Variants in PNPLA8 observed in about 807,000 individuals in gnomAD.
PNPLA8 encodes calcium-independent phospholipase A2-gamma.
PNPLA8 carries 39 observed loss-of-function variants against 76.9 expected under a neutral mutation model. The observed-to-expected ratio is 0.51, with a 90% CI of 0.39 to 0.66. The LOEUF (loss-of-function observed/expected upper bound fraction) is 0.66. Ranked by LOEUF, PNPLA8 falls within the 30% of genes least tolerant of loss-of-function variation. PNPLA8 has a pLI of 0.00. For missense variants in PNPLA8, 887 were observed against 918.0 expected (o/e 0.97, Z 0.44); for synonymous variants, 301 against 307.9 (o/e 0.98, Z 0.24).
rs1438823923 is a variant in PNPLA8, at chr7:108,470,510, A to T, written c.*1891T>A. 2 of 152,206 alleles carry T rather than the reference A, an allele frequency of 1.3e-5. No homozygotes were observed. Among genetic ancestry groups the T allele is most frequent in the Non-Finnish European group, 2.9e-5 (2 of 68,034 alleles). The allele number at this position is 152,206 out of a possible 1,614,324, so 9.4% of individuals were successfully genotyped here. ...ACTTCAGCTGTAAAACAGATGAACT[A>T]CATCAGTTTAGGACTAGAGTGACCT... On this transcript the variant is annotated 3_prime_UTR_variant, in exon 11 of 11. Transcript: ENST00000257694.
intron 9 of PNPLA8, among the ~76,000 whole-genome samples, chr7:108,481,228 G>A (rs1196554836): frequency 3.3e-5 from 5 of 152,140 alleles, no homozygotes; most frequent in East Asian, 1.9e-4. Context: ...GAGTAAATAC[G>A]AGTGCGATCG....
intron 10 of PNPLA8, among the ~76,000 whole-genome samples, chr7:108,478,778 C>T (rs1024000208): frequency 6.6e-6 from 1 of 152,176 alleles, no homozygotes; most frequent in Admixed American, 6.5e-5. Flanking sequence ...AACACATTCT[C>T]ATTCCAGTTT....
intron 10 of PNPLA8, among the ~76,000 whole-genome samples, chr7:108,477,917 C>A (rs879916963): frequency 6.6e-6 from 1 of 152,168 alleles, no homozygotes; most frequent in Non-Finnish European, 1.5e-5. Context: ...ATTCAACATA[C>A]ACTCACTGAA....
At chr7:108,500,573 G>A (rs987266655) in intron 5 of PNPLA8, among the ~76,000 whole-genome samples, 1 of 152,168 alleles carries the variant, frequency 6.6e-6, no homozygotes, top group Non-Finnish European at 1.5e-5. Flanking sequence ...TACTGTTAGA[G>A]TGATCTTGAC....
chr7:108,516,000 ATACT>A (rs1402198362), intron 2 of PNPLA8, among the ~76,000 whole-genome samples: 2 of 152,232 alleles, frequency 1.3e-5, no homozygotes, highest in Non-Finnish European at 2.9e-5. Context: ...GATTTATAGA[ATACT>A]TAATCTATAC....
Position 108,501,177 on chromosome 7 carries a change from A to G in PNPLA8, c.1358+1314T>C, listed in dbSNP as rs1861909774. Among the ~76,000 whole-genome samples the G allele has an allele frequency of 2.0e-5, 3 of 152,228 alleles. No individual in the cohort carries two copies. The South Asian group carries it at 6.2e-4, about 32-fold the overall frequency. On this transcript the variant is annotated intron_variant, in intron 5 of 10. Coordinates refer to ENST00000257694, the MANE Select transcript of PNPLA8 (RefSeq NM_001256007.3). Reference sequence around the variant, plus strand: ...TAAACCTAAGAACAATAGGCAGGGCATGTACTATGAATTACAAGGTAACAG... The same window carrying G: ...TAAACCTAAGAACAATAGGCAGGGCGTGTACTATGAATTACAAGGTAACAG...
intron 2 of PNPLA8, 24 bp downstream of exon 2, chr7:108,521,452 A>G (rs1863732271): frequency 4.5e-6 from 3 of 673,408 alleles, no homozygotes; most frequent in Non-Finnish European, 5.5e-6. Flanking sequence ...GAGACATTAC[A>G]AAATAAAGGA....
intron 10 of PNPLA8, among the ~76,000 whole-genome samples, chr7:108,477,394 G>T (rs905571556): frequency 6.6e-6 from 1 of 152,100 alleles, no homozygotes; most frequent in African/African-American, 2.4e-5. Flanking sequence ...ATGAATAAAA[G>T]TCCTCAGTGG....
Position 108,515,272 on chromosome 7 carries a change from G to C in PNPLA8, c.220C>G (p.Pro74Ala). 6.2e-7 allele frequency: 1 copy of C among 1,605,556 alleles called. No individual in the cohort carries two copies. The highest frequency in any genetic ancestry group is 2.2e-5 in the East Asian group (1 of 44,756). Residue 74 changes from proline (P) to alanine (A), a missense_variant, in exon 3 of 11, where the codon CCA (proline) becomes GCA (alanine). Coordinates refer to ENST00000257694, the MANE Select transcript of PNPLA8 (RefSeq NM_001256007.3). ...CCAATATGTAAACCATGGTTGCTTG[G>C]AGAGTAACAGTGCTTACTGCAAGAA... Reference protein sequence around the residue: ...AHSCSKHCYSPSNHGLHIGIL... With the variant: ...AHSCSKHCYSASNHGLHIGIL...
At chr7:108,490,703 G>A (rs1410080250) in intron 8 of PNPLA8, among the ~76,000 whole-genome samples, 2 of 151,382 alleles carry the variant, frequency 1.3e-5, no homozygotes, top group Non-Finnish European at 2.9e-5. Flanking sequence ...AGAATGGCGT[G>A]AGCCCGGGAG....
rs868297902 is a variant in PNPLA8 at position 108,518,744 on chromosome 7, T to C, written c.-84+2732A>G. Among the ~76,000 whole-genome samples the C allele has an allele frequency of 4.7e-3, 374 of 78,832 alleles. 2 individuals carry two copies. The highest frequency in any genetic ancestry group is 0.022 in the African/African-American group (333 of 15,316). 51.7% of individuals were successfully genotyped at this position (78,832 alleles called of 152,430 possible). On this transcript the variant is annotated intron_variant, in intron 2 of 10. Transcript: ENST00000257694. ...GAATATATATATATATATATATATATATATATATATATATACACACACACA... is the reference window on the plus strand; with the variant it reads ...GAATATATATATATATATATATATACATATATATATATATACACACACACA...
At chr7:108,522,268 T>G (rs1245362837) in intron 1 of PNPLA8, among the ~76,000 whole-genome samples, 4 of 145,188 alleles carry the variant, frequency 2.8e-5, no homozygotes, top group Admixed American at 1.4e-4. Context: ...AACTGCAGCC[T>G]GGGTGACAGA....
At chr7:108,523,628 G>GA (rs900730141) in intron 1 of PNPLA8, among the ~76,000 whole-genome samples, 2 of 152,140 alleles carry the variant, frequency 1.3e-5, no homozygotes, top group African/African-American at 2.4e-5. Flanking sequence ...ATACCCCTAA[G>GA]AAAAAATCCA....
At chr7:108,489,716 T>C (rs929581302) in intron 8 of PNPLA8, among the ~76,000 whole-genome samples, 7 of 152,334 alleles carry the variant, frequency 4.6e-5, no homozygotes, top group East Asian at 1.9e-4. Flanking sequence ...GAGTATGCCA[T>C]AGTTAAGAGC....
chr7:108,487,601 CAAAT>C (rs958321322), intron 9 of PNPLA8, among the ~76,000 whole-genome samples, 154 bp downstream of exon 9: 1 of 151,962 alleles, frequency 6.6e-6, no homozygotes, highest in African/African-American at 2.4e-5. Flanking sequence ...AGAAAAACAA[CAAAT>C]AAAAATATCC....
chr7:108,496,236 G>A (rs1274080748), intron 7 of PNPLA8, among the ~76,000 whole-genome samples: 1 of 151,850 alleles, frequency 6.6e-6, no homozygotes, highest in African/African-American at 2.4e-5. Context: ...AGCGTGTGTC[G>A]AAAAACAAAT....
chr7:108,507,482 T>C (rs1862543486), intron 4 of PNPLA8, among the ~76,000 whole-genome samples: 1 of 151,112 alleles, frequency 6.6e-6, no homozygotes, highest in African/African-American at 2.4e-5. Flanking sequence ...GGTGAGACCC[T>C]CTTTCCACAA....
rs755081513 is a variant in PNPLA8 at position 108,502,561 on chromosome 7, G to A, written c.1288C>T (p.Leu430=). Residue 430 remains leucine, a synonymous_variant, in exon 5 of 11, where the codon CTA becomes TTA. Coordinates refer to ENST00000257694, the MANE Select transcript of PNPLA8 (RefSeq NM_001256007.3). ...LQAAVREILA[L]IGYVDPVKGR... Reference sequence around the variant, plus strand: ...TTCACTGGATCCACATAGCCAATTAGGGCCAAAATTTCTCTAACTGCAGCC... The same window carrying A: ...TTCACTGGATCCACATAGCCAATTAAGGCCAAAATTTCTCTAACTGCAGCC... 13 of 1,612,362 alleles carry A rather than the reference G, an allele frequency of 8.1e-6. No homozygotes were observed. Among genetic ancestry groups the A allele is most frequent in the Non-Finnish European group, 1.1e-5 (13 of 1,179,064 alleles).
rs1863259059 is a variant in PNPLA8 at position 108,515,363 on chromosome 7, G to A, written c.129C>T (p.His43=). The change falls in exon 3 of 11, where the codon CAC becomes CAT. Residue 43 remains histidine (H), a synonymous_variant. Coordinates refer to ENST00000257694, the MANE Select transcript of PNPLA8 (RefSeq NM_001256007.3). ...TATGAAAACCTCTTTGTAGACTGAT[G>A]TGGCTTATCCTCCAGTAATGCTTAG... ...FSPKHYWRIS[H]ISLQRGFHTN... 6.2e-7 allele frequency: 1 copy of A among 1,613,510 alleles called. No homozygotes were observed. The highest frequency in any genetic ancestry group is 8.5e-7 in the Non-Finnish European group (1 of 1,179,644).
Sources: allele counts gnomAD v4.1 joint callset (sites outside exome capture counted in the v4.1 genomes callset), GRCh38; gene constraint gnomAD v4.1.1; transcripts MANE v1.5; gene names NCBI Gene and HGNC (gene_info 2026-07-23, HGNC 2026-07-21).